The following PLEKHD1 variants were observed in gnomAD, a reference collection of about 807,000 sequenced individuals.
The protein encoded by PLEKHD1 is pleckstrin homology domain-containing family D member 1.
In PLEKHD1, 51 loss-of-function variants were observed where a neutral mutation model predicts 69.2. The ratio of observed to expected loss-of-function variants is 0.74; its 90% confidence interval spans 0.59 to 0.93. The LOEUF is 0.93. Among genes scored for constraint, PLEKHD1 ranks in the 40% least tolerant of loss-of-function variants. The pLI, the probability that PLEKHD1 is intolerant of heterozygous loss-of-function variation, is 0.00. For synonymous variants in PLEKHD1, 236 were observed against 244.7 expected, an observed-to-expected ratio of 0.96 and a Z score of 0.33; for missense variants, 584 against 641.0, an observed-to-expected ratio of 0.91 and a Z score of 0.96.
At chr14:69,507,655 C>T (rs1398719559) in intron 6 of PLEKHD1, among the ~76,000 whole-genome samples, 1 of 152,252 alleles carries the variant, frequency 6.6e-6, no homozygotes, top group African/African-American at 2.4e-5. Flanking sequence ...TGTTGCTCCA[C>T]ATCCTTGCCA....
chr14:69,498,395 G>A (rs1052744649), intron 1 of PLEKHD1, among the ~76,000 whole-genome samples: 3 of 151,792 alleles, frequency 2.0e-5, no homozygotes, highest in Non-Finnish European at 4.4e-5. Context: ...TTTTGAAAAA[G>A]AAAAGAAAAT....
chr14:69,477,398 TG>T, the PLEKHD1 span, among the ~76,000 whole-genome samples: 6 of 152,156 alleles, frequency 3.9e-5, no homozygotes, highest in African/African-American at 1.4e-4. Context: ...ATTCTGCCCC[TG>T]GCCCCTCCCA....
intron 6 of PLEKHD1, among the ~76,000 whole-genome samples, chr14:69,508,467 G>T (rs1199691964): frequency 6.6e-6 from 1 of 152,004 alleles, no homozygotes; most frequent in Non-Finnish European, 1.5e-5. Context: ...TGTCATCCAG[G>T]CTGAGTGCAG....
rs57781039 is a variant in PLEKHD1, at chr14:69,528,172, G to C, written c.1352-78G>C. ...GGCACACATAAAGGAGTGAGGGGGT[G>C]GCATGAGGCTGGGGACAGGGCCAGG... On this transcript the variant is annotated intron_variant, in intron 12 of 12. Transcript: ENST00000322564. The C allele has an allele frequency of 2.9e-3, 4,416 of 1,500,940 alleles. 108 individuals carry two copies. In the African/African-American group the frequency reaches 0.052, roughly 18 times the overall value. 93.0% of individuals were successfully genotyped at this position (1,500,940 alleles called of 1,614,324 possible). A position where few individuals can be genotyped will look rare whatever the true frequency, so the allele number is the denominator to read the frequency against.
intron 1 of PLEKHD1, among the ~76,000 whole-genome samples, chr14:69,499,036 G>C (rs1882960939): frequency 6.6e-6 from 1 of 152,136 alleles, no homozygotes; most frequent in African/African-American, 2.4e-5. Context: ...GCTCTTGGGG[G>C]AGGGAGCTGA....
chr14:69,486,292 C>A (rs985958272), intron 1 of PLEKHD1, among the ~76,000 whole-genome samples: 11 of 152,114 alleles, frequency 7.2e-5, no homozygotes, highest in African/African-American at 2.2e-4. Flanking sequence ...TCTATAAGAC[C>A]GCAGAACAAA....
chr14:69,527,956 C>G, intron 12 of PLEKHD1, 24 bp downstream of exon 12: 1 of 1,551,012 alleles, frequency 6.4e-7, no homozygotes, highest in Non-Finnish European at 8.7e-7. Context: ...TCTGCGTGCC[C>G]TGGTGGGATG....
rs558308081 is a variant in PLEKHD1 at position 69,500,108 on chromosome 14, A to G, written c.150-7A>G. The stretch of plus-strand genomic sequence containing the variant: ...GGTTGCTTTTCCTTCCCCACCGCCC[A>G]CTATAGGTTTTTCATCATCAAAGAG... On this transcript the variant is annotated splice_polypyrimidine_tract_variant and splice_region_variant and intron_variant, in intron 1 of 12. Coordinates refer to ENST00000322564, the MANE Select transcript of PLEKHD1 (RefSeq NM_001161498.2). 4.1e-4 allele frequency: 627 copies of G among 1,541,696 alleles called. 9 individuals carry two copies. The South Asian group carries it at 7.2e-3, about 18-fold the overall frequency.
At chr14:69,482,199 G>T (rs150032459), upstream of PLEKHD1, among the ~76,000 whole-genome samples, 1 of 152,186 alleles carries the variant, frequency 6.6e-6, no homozygotes, top group Non-Finnish European at 1.5e-5. Flanking sequence ...GAAGAAACCT[G>T]TGCTTCACTT....
At chr14:69,487,237 T>C (rs1882674541) in intron 1 of PLEKHD1, among the ~76,000 whole-genome samples, 1 of 150,086 alleles carries the variant, frequency 6.7e-6, no homozygotes, top group Non-Finnish European at 1.5e-5. Flanking sequence ...TATTTAGTCT[T>C]GGGTCAGTGA....
the PLEKHD1 span, among the ~76,000 whole-genome samples, chr14:69,475,222 A>C: frequency 6.6e-6 from 1 of 152,200 alleles, no homozygotes; most frequent in Non-Finnish European, 1.5e-5. Context: ...ATAGCAATAA[A>C]TGGCTATGGG....
chr14:69,524,463 T>G, intron 8 of PLEKHD1, 141 bp downstream of exon 8: 1 of 702,188 alleles, frequency 1.4e-6, no homozygotes, highest in Admixed American at 2.5e-5. Context: ...CTAAAGGGTC[T>G]CTTCTCTATG....
the PLEKHD1 span, among the ~76,000 whole-genome samples, chr14:69,471,598 T>C: frequency 6.6e-6 from 1 of 152,154 alleles, no homozygotes; most frequent in Non-Finnish European, 1.5e-5. Flanking sequence ...CTACCTTGAA[T>C]AGGGATGGTT....
intron 1 of PLEKHD1, among the ~76,000 whole-genome samples, chr14:69,486,351 T>C (rs1334383934): frequency 6.6e-6 from 1 of 152,206 alleles, no homozygotes; most frequent in Admixed American, 6.5e-5. Context: ...TTTCATGTTG[T>C]TTTGTTGCTT....
rs201464677 is a variant in PLEKHD1, at chr14:69,527,206, A to C, written c.1075A>C (p.Met359Leu). 3.5e-5 allele frequency: 54 copies of C among 1,550,264 alleles called. No homozygotes were observed. The highest frequency in any genetic ancestry group is 7.9e-6 in the Non-Finnish European group (9 of 1,146,464). The part of the protein sequence containing the change: ...RELKAEVKVR[M>L]DLERRLREAE... ...ACCTCAGGCTGAGGTGAAGGTCCGC[A>C]TGGACCTGGAGAGGCGTCTCCGGGA... The change falls in exon 11 of 13, where the codon ATG becomes CTG. Residue 359 changes from methionine (M) to leucine (L), a missense_variant. Coordinates refer to ENST00000322564, the MANE Select transcript of PLEKHD1 (RefSeq NM_001161498.2).
chr14:69,494,360 G>A (rs1393923986), intron 1 of PLEKHD1, among the ~76,000 whole-genome samples: 1 of 152,124 alleles, frequency 6.6e-6, no homozygotes, highest in African/African-American at 2.4e-5. Context: ...ACAGCCTCTG[G>A]CCCATCTGTT....
chr14:69,501,850 A>G (rs763301655), intron 5 of PLEKHD1, 25 bp downstream of exon 5: 1 of 1,523,328 alleles, frequency 6.6e-7, no homozygotes, highest in South Asian at 1.2e-5. Context: ...TGGTTCCCTA[A>G]TGGTAGCAGC....
chr14:69,502,975 C>T, intron 6 of PLEKHD1, 96 bp downstream of exon 6: 3 of 1,449,918 alleles, frequency 2.1e-6, no homozygotes, highest in Non-Finnish European at 2.8e-6. Context: ...GCACAGAGGA[C>T]TTGCTAGAAG....
chr14:69,476,654 A>G, the PLEKHD1 span, among the ~76,000 whole-genome samples: 1 of 152,210 alleles, frequency 6.6e-6, no homozygotes, highest in Non-Finnish European at 1.5e-5. Context: ...TAAGAGAAGC[A>G]TTGTAGACTG....
Sources: gnomAD v4.1 joint callset for allele counts (sites outside exome capture counted in the v4.1 genomes callset) on GRCh38, gnomAD v4.1.1 for gene constraint, MANE v1.5 for transcripts, NCBI Gene and HGNC (gene_info 2026-07-23, HGNC 2026-07-21) for gene names.